LHX1: variants seen among roughly 807,000 people sequenced by gnomAD.
LHX1 encodes LIM/homeobox protein Lhx1.
A neutral mutation model predicts 34.1 loss-of-function variants in LHX1; 9 were observed. The observed-to-expected ratio is 0.26, with a 90% CI of 0.16 to 0.46. The LOEUF is 0.46. Ranked by LOEUF, LHX1 falls within the 20% of genes least tolerant of loss-of-function variation. The probability of loss-of-function intolerance (pLI) is 1.00; values close to 1 mark genes in which losing one functional copy is unlikely to be tolerated. For synonymous variants in LHX1, 254 were observed against 241.5 expected, an observed-to-expected ratio of 1.05 and a Z score of -0.48; for missense variants, 446 against 559.1, an observed-to-expected ratio of 0.80 and a Z score of 2.04.
chr17:36,940,262 C>CCCCA, intron 1 of LHX1, 28 bp from the exon 2 acceptor site: 1 of 393,818 alleles, frequency 2.5e-6, no homozygotes, highest in South Asian at 2.3e-5. Flanking sequence ...CATCCCCGCC[C>CCCCA]CCGCCCCCCA....
intron 1 of LHX1, 32 bp from the exon 2 acceptor site, chr17:36,940,258 C>CGGGGGG: frequency 2.1e-5 from 11 of 528,864 alleles, no homozygotes; most frequent in Non-Finnish European, 2.0e-5. Flanking sequence ...GACCCATCCC[C>CGGGGGG]GCCCCCGCCC....
chr17:36,938,248 G>A lies in LHX1; in HGVS notation c.51G>A (p.Leu17=). ...GGCCCATCCTGGACCGCTTTCTCTT[G>A]AACGTGCTGGACAGGGCCTGGCACG... ...CKRPILDRFL[L]NVLDRAWHVK... Residue 17 remains leucine (L), a synonymous_variant, in exon 1 of 5, where the codon TTG becomes TTA. Coordinates refer to ENST00000614239, the MANE Select transcript of LHX1 (RefSeq NM_005568.5). The A allele has an allele frequency of 6.2e-7, 1 of 1,614,156 alleles. No individual in the cohort carries two copies.
chr17:36,941,146 G>A lies in LHX1; in HGVS notation c.675+259G>A. The A allele has an allele frequency of 7.0e-6, 5 of 711,294 alleles. 1 individual carries two copies. The highest frequency in any genetic ancestry group is 1.3e-5 in the Non-Finnish European group (5 of 394,864). The allele number at this position is 711,294 out of a possible 1,614,324, so 44.1% of individuals were successfully genotyped here. ...ACGGGAGTTCAGCCAGAGGCTGGAG[G>A]AGGAGAACTGTTGAACACTCTGGAG... On this transcript the variant is annotated intron_variant, in intron 3 of 4. Transcript: ENST00000614239.
Position 36,942,780 on chromosome 17 carries a change from G to A in LHX1, c.870G>A (p.Gly290=). 1 of 1,541,386 alleles carries A rather than the reference G, an allele frequency of 6.5e-7. No homozygotes were observed. Among genetic ancestry groups the A allele is most frequent in the Middle Eastern group, 1.7e-4 (1 of 5,722 alleles). ...GDYQSEYYGP[G]GNYDFFPQGP... ...ACCAGAGCGAGTACTACGGGCCCGG[G>A]GGCAACTACGACTTCTTCCCGCAAG... The change falls in exon 5 of 5, where the codon GGG becomes GGA. Residue 290 remains glycine (G), a synonymous_variant. Coordinates refer to ENST00000614239, the MANE Select transcript of LHX1 (RefSeq NM_005568.5).
chr17:36,938,366 C>A lies in LHX1; in HGVS notation c.169C>A (p.Arg57=), dbSNP rs35618899. 2.3e-3 allele frequency: 3,635 copies of A among 1,614,018 alleles called. 66 individuals are homozygous for A. The African/African-American group carries it at 0.042, about 19-fold the overall frequency. Residue 57 remains arginine (R), a splice_region_variant and synonymous_variant, in exon 1 of 5, where the codon CGG becomes AGG. Transcript: ENST00000614239. The part of the protein sequence containing the change: ...GKLYCKNDFF[R]CFGTKCAGCA... ...ACTCTACTGCAAGAACGACTTCTTC[C>A]GGTGAGTACTTTCCTCCCACGCCTC...
chr17:36,940,258 C>CCGGGGGGGGGGG, intron 1 of LHX1, 32 bp from the exon 2 acceptor site: 4 of 528,900 alleles, frequency 7.6e-6, no homozygotes, highest in East Asian at 3.5e-5. Flanking sequence ...GACCCATCCC[C>CCGGGGGGGGGGG]GCCCCCGCCC....
At position 36,943,286 on chromosome 17, in the gene LHX1, G is replaced by C; in HGVS notation, c.*155G>C. 1.1e-6 allele frequency: 1 copy of C among 926,268 alleles called. No individual in the cohort carries two copies. Among genetic ancestry groups the C allele is most frequent in the Non-Finnish European group, 1.6e-6 (1 of 641,586 alleles). 57.4% of individuals were successfully genotyped at this position (926,268 alleles called of 1,614,324 possible). On this transcript the variant is annotated 3_prime_UTR_variant, in exon 5 of 5. Coordinates refer to ENST00000614239, the MANE Select transcript of LHX1 (RefSeq NM_005568.5). The stretch of plus-strand genomic sequence containing the variant: ...TCTGGGGAGACCGGATGGAAAAGGG[G>C]GACACGAAATAGGATCCAAATCGGC...
At chr17:36,938,656 G>T in intron 1 of LHX1, 1 of 537,660 alleles carries the variant, frequency 1.9e-6, no homozygotes, top group Non-Finnish European at 3.4e-6. Context: ...GGAAGAGACA[G>T]GGCAGCCTCG....
chr17:36,943,515 G>A lies in LHX1; in HGVS notation c.*384G>A. 5.0e-6 allele frequency: 1 copy of A among 199,512 alleles called. No individual in the cohort carries two copies. Among genetic ancestry groups the A allele is most frequent in the Non-Finnish European group, 1.0e-5 (1 of 99,352 alleles). 12.4% of individuals were successfully genotyped at this position (199,512 alleles called of 1,614,324 possible). A position where few individuals can be genotyped will look rare whatever the true frequency, so the allele number is the denominator to read the frequency against. ...ACAGCCGTTGGCGATGCCAGGAGCC[G>A]TGGGGAGGGAGGCCGTGAGCACAGC... On this transcript the variant is annotated 3_prime_UTR_variant, in exon 5 of 5. Coordinates refer to ENST00000614239, the MANE Select transcript of LHX1 (RefSeq NM_005568.5).
intron 1 of LHX1, among the ~76,000 whole-genome samples, chr17:36,939,726 C>CTA (rs2070751701): frequency 6.6e-6 from 1 of 152,236 alleles, no homozygotes; most frequent in Non-Finnish European, 1.5e-5. Flanking sequence ...GCGGCGGCCC[C>CTA]GCTAAGGCTA....
Position 36,942,368 on chromosome 17 carries a change from G to A in LHX1, c.841+3G>A. 6.3e-7 allele frequency: 1 copy of A among 1,578,292 alleles called. No individual in the cohort carries two copies. Among genetic ancestry groups the A allele is most frequent in the East Asian group, 2.3e-5 (1 of 43,106 alleles). On this transcript the variant is annotated splice_donor_region_variant and intron_variant, in intron 4 of 4. Transcript: ENST00000614239. ...TGGTCCCTTCTCCTTCTACGGAGGT[G>A]GGTGCGCGCCGAATGGCGGGGCGCG...
chr17:36,941,087 C>T, intron 3 of LHX1, 200 bp downstream of exon 3: 3 of 848,710 alleles, frequency 3.5e-6, no homozygotes, highest in South Asian at 2.9e-5. Context: ...CTTCCCAGCC[C>T]AACAGAGGTG....
At chr17:36,942,082 C>G (rs983059709) in intron 3 of LHX1, 118 bp from the exon 4 acceptor site, 1 of 1,038,968 alleles carries the variant, frequency 9.6e-7, no homozygotes, top group Non-Finnish European at 1.4e-6. Flanking sequence ...CACACACACA[C>G]AAGCGCGCGC....
upstream of LHX1, chr17:36,937,287 G>T (rs1433282098): frequency 4.6e-6 from 2 of 439,200 alleles, no homozygotes; most frequent in Admixed American, 4.9e-5. Flanking sequence ...GAGCCCGGGC[G>T]CAGGGAGGGT....
At position 36,943,826 on chromosome 17, in the gene LHX1, C is replaced by G. The variant is rs2070784919; in HGVS notation, c.*695C>G. On this transcript the variant is annotated 3_prime_UTR_variant, in exon 5 of 5. Coordinates refer to ENST00000614239, the MANE Select transcript of LHX1 (RefSeq NM_005568.5). ...AAAACTACACATACACACATACACA[C>G]GTACACGGACACACTCGGTAAGATG... 1 of 151,768 alleles carries G rather than the reference C, an allele frequency of 6.6e-6. No homozygotes were observed. The highest frequency in any genetic ancestry group is 2.4e-5 in the African/African-American group (1 of 41,286). 9.4% of individuals were successfully genotyped at this position (151,768 alleles called of 1,614,324 possible). A position where few individuals can be genotyped will look rare whatever the true frequency, so the allele number is the denominator to read the frequency against.
Position 36,937,927 on chromosome 17 carries a change from C to T in LHX1, c.-271C>T, listed in dbSNP as rs1022703004. 1.3e-5 allele frequency: 8 copies of T among 602,386 alleles called. No homozygotes were observed. The highest frequency in any genetic ancestry group is 5.3e-5 in the Admixed American group (2 of 37,960). The allele number at this position is 602,386 out of a possible 1,614,324, so 37.3% of individuals were successfully genotyped here. ...TCTCCCGCCTGAGACTTCTTTTCCT[C>T]GCCCCGGGAGCTCAGGCGGCGCCGC... On this transcript the variant is annotated 5_prime_UTR_variant, in exon 1 of 5. Coordinates refer to ENST00000614239, the MANE Select transcript of LHX1 (RefSeq NM_005568.5).
At position 36,942,963 on chromosome 17, in the gene LHX1, C is replaced by T. The variant is rs758201785; in HGVS notation, c.1053C>T (p.Pro351=). 1.9e-6 allele frequency: 3 copies of T among 1,610,586 alleles called. No homozygotes were observed. Among genetic ancestry groups the T allele is most frequent in the Non-Finnish European group, 2.5e-6 (3 of 1,179,020 alleles). Residue 351 remains proline (P), a synonymous_variant, in exon 5 of 5, where the codon CCC becomes CCT. Coordinates refer to ENST00000614239, the MANE Select transcript of LHX1 (RefSeq NM_005568.5). ...TTACCGACATCCTGGCGCACCCACC[C>T]GGGGACTCGCCCAGCCCCGAGCCCA... ...QRFTDILAHP[P]GDSPSPEPSL...
rs1374517295 is a variant in LHX1, at chr17:36,943,974, G to A, written c.*843G>A. On this transcript the variant is annotated 3_prime_UTR_variant, in exon 5 of 5. Coordinates refer to ENST00000614239, the MANE Select transcript of LHX1 (RefSeq NM_005568.5). ...ACTATTGAACTAAAAACAGTCAACT[G>A]TTTACGTATAATGTTAAATTCAGGA... 2.7e-5 allele frequency: 4 copies of A among 150,572 alleles called. No individual in the cohort carries two copies. Among genetic ancestry groups the A allele is most frequent in the African/African-American group, 9.8e-5 (4 of 40,994 alleles). The allele number at this position is 150,572 out of a possible 1,614,324, so 9.3% of individuals were successfully genotyped here. A position where few individuals can be genotyped will look rare whatever the true frequency, so the allele number is the denominator to read the frequency against.
rs2070786973 is a variant in LHX1, at chr17:36,944,065, A to G, written c.*934A>G. 1 of 152,214 alleles carries G rather than the reference A, an allele frequency of 6.6e-6. No individual in the cohort carries two copies. Among genetic ancestry groups the G allele is most frequent in the African/African-American group, 2.4e-5 (1 of 41,464 alleles). 9.4% of individuals were successfully genotyped at this position (152,214 alleles called of 1,614,324 possible). On this transcript the variant is annotated 3_prime_UTR_variant, in exon 5 of 5. Transcript: ENST00000614239. ...GTTCGAAAACAAAATGTTTTGAGCAATCAACCAAAATTGTTCCTTTTCTTT... is the reference window on the plus strand; with the variant it reads ...GTTCGAAAACAAAATGTTTTGAGCAGTCAACCAAAATTGTTCCTTTTCTTT...
Sources: gnomAD v4.1 joint callset for allele counts (sites outside exome capture counted in the v4.1 genomes callset) on GRCh38, gnomAD v4.1.1 for gene constraint, MANE v1.5 for transcripts, NCBI Gene and HGNC (gene_info 2026-07-23, HGNC 2026-07-21) for gene names.